DAB1: variants seen among roughly 807,000 people sequenced by gnomAD.
The protein encoded by DAB1 is DAB adaptor protein 1, also known as disabled homolog 1.
DAB1 carries 15 observed loss-of-function variants against 64.6 expected under a neutral mutation model. The observed-to-expected ratio is 0.23, with a 90% CI of 0.16 to 0.36. The LOEUF is 0.36. Ranked by LOEUF, DAB1 falls within the 10% of genes least tolerant of loss-of-function variation. The pLI, the probability that DAB1 is intolerant of heterozygous loss-of-function variation, is 1.00. For synonymous variants in DAB1, 235 were observed against 251.9 expected, an observed-to-expected ratio of 0.93 and a Z score of 0.64; for missense variants, 596 against 706.7, an observed-to-expected ratio of 0.84 and a Z score of 1.78.
rs1420511427 is a variant in DAB1 at position 58,296,159 on chromosome 1, A to G, written n.309+47193T>C. On this transcript the variant is annotated intron_variant and non_coding_transcript_variant, in intron 4 of 20. Transcript: ENST00000485760. The stretch of plus-strand genomic sequence containing the variant: ...GAAAGAAAGGAAAGAAAGAAAAAAG[A>G]AAGAAAGAAAGAAAAAAGAAAGAAA... Among the ~76,000 whole-genome samples the G allele has an allele frequency of 7.8e-4, 57 of 73,120 alleles. 3 individuals are homozygous for G. The highest frequency in any genetic ancestry group is 1.8e-3 in the African/African-American group (52 of 29,128). 48.0% of individuals were successfully genotyped at this position (73,120 alleles called of 152,430 possible).
intron 12 of DAB1, among the ~76,000 whole-genome samples, chr1:57,012,187 T>C (rs1646286695): frequency 6.6e-6 from 1 of 152,212 alleles, no homozygotes; most frequent in East Asian, 1.9e-4. Flanking sequence ...CCTAATGTTA[T>C]AGAACTTAGA....
intron 5 of DAB1, among the ~76,000 whole-genome samples, chr1:58,079,778 C>G (rs1040604280): frequency 6.6e-6 from 1 of 151,956 alleles, no homozygotes; most frequent in Non-Finnish European, 1.5e-5. Context: ...CTCAACCTCC[C>G]AAAGTGCTGG....
At chr1:58,081,240 T>G (rs777068075) in intron 5 of DAB1, among the ~76,000 whole-genome samples, 2 of 152,228 alleles carry the variant, frequency 1.3e-5, no homozygotes, top group African/African-American at 4.8e-5. Context: ...GTTTTCCTCA[T>G]AGGAAAACTA....
chr1:57,975,046 C>T (rs959778343), intron 5 of DAB1, among the ~76,000 whole-genome samples: 40 of 152,062 alleles, frequency 2.6e-4, no homozygotes, highest in African/African-American at 9.2e-4. Flanking sequence ...ATCTTAACCC[C>T]CAATATGATG....
chr1:57,828,792 T>C (rs1005803516), intron 1 of DAB1, among the ~76,000 whole-genome samples: 1 of 152,240 alleles, frequency 6.6e-6, no homozygotes, highest in African/African-American at 2.4e-5. Flanking sequence ...TCTAATTATA[T>C]CAGAAGTTGT....
At chr1:58,471,312 C>G (rs989178975) in intron 3 of DAB1, among the ~76,000 whole-genome samples, 6 of 152,174 alleles carry the variant, frequency 3.9e-5, no homozygotes, top group Admixed American at 3.3e-4. Flanking sequence ...TCTGTGGCCT[C>G]TCTCTTCTCA....
intron 6 of DAB1, among the ~76,000 whole-genome samples, chr1:57,694,291 G>A (rs528562658): frequency 1.2e-4 from 19 of 152,298 alleles, no homozygotes; most frequent in Admixed American, 1.0e-3. Flanking sequence ...GTTGAAGGCT[G>A]AGCTTAGTAA....
intron 1 of DAB1, among the ~76,000 whole-genome samples, chr1:58,543,685 T>G (rs773902642): frequency 2.0e-5 from 3 of 152,192 alleles, no homozygotes; most frequent in Non-Finnish European, 2.9e-5. Context: ...AAAAATGACA[T>G]GATGATCTGT....
intron 9 of DAB1, among the ~76,000 whole-genome samples, chr1:57,054,360 A>G (rs1649522929): frequency 6.6e-6 from 1 of 152,028 alleles, no homozygotes; most frequent in Non-Finnish European, 1.5e-5. Flanking sequence ...TTGCATTCCC[A>G]CTGTGGGACC....
chr1:57,596,159 C>T (rs1645506924), intron 7 of DAB1, among the ~76,000 whole-genome samples: 1 of 152,182 alleles, frequency 6.6e-6, no homozygotes, highest in South Asian at 2.1e-4. Context: ...CCTTGCAGAA[C>T]TCCAAGGGAC....
chr1:57,174,716 A>C (rs1254044323), intron 2 of DAB1, among the ~76,000 whole-genome samples: 1 of 152,110 alleles, frequency 6.6e-6, no homozygotes, highest in Non-Finnish European at 1.5e-5. Context: ...CTTCTTTCTC[A>C]CTATCTGATG....
In DAB1 at chr1:58,403,475, C is replaced by T. The variant is rs186712843; in HGVS notation, n.258-60072G>A. ...TCATTGAGAACCATGAAGAAGGCAC[C>T]ATTATTTACTCCCATCTACAGATGA... On this transcript the variant is annotated intron_variant and non_coding_transcript_variant, in intron 3 of 20. Coordinates refer to the DAB1 transcript ENST00000485760. Among the ~76,000 whole-genome samples the T allele has an allele frequency of 3.7e-4, 56 of 152,256 alleles. No homozygotes were observed. The East Asian group carries it at 9.8e-3, about 27-fold the overall frequency.
chr1:57,449,796 A>G (rs972569280), intron 7 of DAB1, among the ~76,000 whole-genome samples: 4 of 152,164 alleles, frequency 2.6e-5, no homozygotes, highest in Admixed American at 6.5e-5. Flanking sequence ...TCTTTAGAAT[A>G]TGTCATTTTG....
chr1:58,401,877 C>A (rs1644572452), intron 3 of DAB1, among the ~76,000 whole-genome samples: 1 of 152,142 alleles, frequency 6.6e-6, no homozygotes, highest in African/African-American at 2.4e-5. Flanking sequence ...TTTTTTCTGT[C>A]TTTATTTCCA....
At position 58,353,058 on chromosome 1, in the gene DAB1, G is replaced by A. The variant is rs532453177; in HGVS notation, n.258-9655C>T. On this transcript the variant is annotated intron_variant and non_coding_transcript_variant, in intron 3 of 20. Transcript: ENST00000485760. ...GACACCTACATAAATGCCACTGTCT[G>A]GAGTTATGCCACGCTGCCGAATCGA... 3.3e-5 allele frequency among the ~76,000 whole-genome samples: 5 copies of A among 152,164 alleles called. No homozygotes were observed. The South Asian group carries it at 8.3e-4, about 25-fold the overall frequency.
rs551508536 is a variant in DAB1, at chr1:58,213,536, C to T, written n.310-62948G>A. The stretch of plus-strand genomic sequence containing the variant: ...CCGGGAAGAGCCCCTTATAAAACCA[C>T]CAGATCATGTGAGAACTCACTCACT... On this transcript the variant is annotated intron_variant and non_coding_transcript_variant, in intron 4 of 20. Coordinates refer to the DAB1 transcript ENST00000485760. Among the ~76,000 whole-genome samples, 34 of 152,150 alleles carry T rather than the reference C, an allele frequency of 2.2e-4. No individual in the cohort carries two copies. In the East Asian group the frequency reaches 6.4e-3, roughly 29 times the overall value.
intron 2 of DAB1, among the ~76,000 whole-genome samples, chr1:57,253,763 T>C (rs552727): frequency 0.72 from 108,934 of 152,164 alleles, 39,656 homozygotes; most frequent in East Asian, 0.85. Flanking sequence ...CCTCTACTCC[T>C]GATATATTTT....
chr1:57,761,114 G>A (rs1323824), intron 6 of DAB1, among the ~76,000 whole-genome samples: 50,618 of 152,002 alleles, frequency 0.33, 10,929 homozygotes, highest in African/African-American at 0.6. Flanking sequence ...CTTGGACATG[G>A]CATTAACTAA....
intron 2 of DAB1, among the ~76,000 whole-genome samples, chr1:57,154,481 T>TGTCAA (rs1451142007): frequency 6.6e-6 from 1 of 152,218 alleles, no homozygotes; most frequent in Non-Finnish European, 1.5e-5. Flanking sequence ...TCTTAGTTAT[T>TGTCAA]GTCAACAGTG....
Sources: gnomAD v4.1 joint callset for allele counts (sites outside exome capture counted in the v4.1 genomes callset) on GRCh38, gnomAD v4.1.1 for gene constraint, MANE v1.5 for transcripts, NCBI Gene and HGNC (gene_info 2026-07-23, HGNC 2026-07-21) for gene names.